CALN1: variants seen among roughly 807,000 people sequenced by gnomAD.
The protein encoded by CALN1 is calneuron 1.
CALN1 carries 17 observed loss-of-function variants against 30.6 expected under a neutral mutation model. The ratio of observed to expected loss-of-function variants is 0.56; its 90% CI spans 0.38 to 0.83. The LOEUF (loss-of-function observed/expected upper bound fraction) is 0.83, where lower values mean the gene tolerates loss of function less well. CALN1 is among the 40% of genes least tolerant of loss of function. The pLI is 0.00. For synonymous variants in CALN1, 156 were observed against 131.4 expected, an observed-to-expected ratio of 1.19 and a Z score of -1.28; for missense variants, 291 against 354.9, an observed-to-expected ratio of 0.82 and a Z score of 1.45.
At chr7:72,448,396 G>A (rs772783945), upstream of CALN1, among the ~76,000 whole-genome samples, 1 of 152,152 alleles carries the variant, frequency 6.6e-6, no homozygotes, top group African/African-American at 2.4e-5. Context: ...GACAGTTCCT[G>A]TGTCAGGGAT....
the CALN1 span, among the ~76,000 whole-genome samples, chr7:72,464,050 GA>G: frequency 6.7e-6 from 1 of 148,350 alleles, no homozygotes; most frequent in Non-Finnish European, 1.5e-5. Context: ...AAGAAAGAAA[GA>G]AGAAAGAGAA....
At chr7:72,095,000 CGTGT>C (rs966705313) in intron 4 of CALN1, among the ~76,000 whole-genome samples, 1 of 151,978 alleles carries the variant, frequency 6.6e-6, no homozygotes, top group East Asian at 1.9e-4. Flanking sequence ...GACTCAGGGG[CGTGT>C]GTGTGTGTTT....
chr7:71,821,846 G>A (rs1788612516), intron 5 of CALN1, among the ~76,000 whole-genome samples: 1 of 148,498 alleles, frequency 6.7e-6, no homozygotes, highest in African/African-American at 2.5e-5. Flanking sequence ...GGAGTACAGT[G>A]GTGTGATCAT....
At chr7:72,415,986 G>A (rs1370157975), upstream of CALN1, among the ~76,000 whole-genome samples, 1 of 152,168 alleles carries the variant, frequency 6.6e-6, no homozygotes, top group Non-Finnish European at 1.5e-5. Flanking sequence ...TTCTTTTAAG[G>A]TTGTGGGTCT....
At chr7:72,232,860 G>A (rs1353891744) in intron 3 of CALN1, among the ~76,000 whole-genome samples, 2 of 152,198 alleles carry the variant, frequency 1.3e-5, no homozygotes, top group African/African-American at 4.8e-5. Flanking sequence ...TTAAAAGACT[G>A]GAAGGAAACA....
chr7:72,297,002 C>A (rs1425758288), intron 2 of CALN1, among the ~76,000 whole-genome samples: 2 of 151,912 alleles, frequency 1.3e-5, no homozygotes, highest in African/African-American at 2.4e-5. Flanking sequence ...TTTTCTAGTT[C>A]TTTTAATTGT....
intron 5 of CALN1, among the ~76,000 whole-genome samples, chr7:72,022,816 T>C (rs1314505653): frequency 6.6e-6 from 1 of 151,176 alleles, no homozygotes; most frequent in Admixed American, 6.6e-5. Flanking sequence ...CTATGCAAGA[T>C]GGGTACCTGA....
intron 4 of CALN1, among the ~76,000 whole-genome samples, chr7:72,075,512 CCTGTGCCTTACTCTACAG>C (rs1448906366): frequency 2.0e-5 from 3 of 152,208 alleles, no homozygotes; most frequent in African/African-American, 7.2e-5. Context: ...ACCGGTTGAA[CCTGTGCCTTACTCTACAG>C]CCTACCCTGA....
rs57352664 is a variant in CALN1, at chr7:72,292,820, C to CA, written c.120-14011dup. Among the ~76,000 whole-genome samples the CA allele has an allele frequency of 2.3e-3, 258 of 112,782 alleles. 6 individuals are homozygous for CA. Among genetic ancestry groups the CA allele is most frequent in the South Asian group, 0.013 (45 of 3,452 alleles). The allele number at this position is 112,782 out of a possible 152,430, so 74.0% of individuals were successfully genotyped here. A position where few individuals can be genotyped will look rare whatever the true frequency, so the allele number is the denominator to read the frequency against. The stretch of plus-strand genomic sequence containing the variant: ...TGGGCAACAGAACAATACTCTGTCT[C>CA]AAAAAAAAAAAAAAGAATTTCAACA... On this transcript the variant is annotated intron_variant, in intron 2 of 6. Transcript: ENST00000395275.
At chr7:72,208,762 G>C (rs187841097) in intron 3 of CALN1, among the ~76,000 whole-genome samples, 1 of 152,268 alleles carries the variant, frequency 6.6e-6, no homozygotes, top group East Asian at 1.9e-4. Flanking sequence ...ATGTAATGTT[G>C]AGCTAAGAGG....
chr7:71,889,613 C>T (rs979364049), intron 5 of CALN1, among the ~76,000 whole-genome samples: 4 of 152,170 alleles, frequency 2.6e-5, no homozygotes, highest in South Asian at 2.1e-4. Context: ...AGGGGGGACA[C>T]GGATATTCCA....
At chr7:72,234,992 G>A (rs1794379706) in intron 3 of CALN1, among the ~76,000 whole-genome samples, 1 of 152,108 alleles carries the variant, frequency 6.6e-6, no homozygotes, top group South Asian at 2.1e-4. Flanking sequence ...AAACAGACCT[G>A]GTGTGGTGGC....
chr7:72,075,075 G>T (rs1804645190), intron 4 of CALN1, among the ~76,000 whole-genome samples: 1 of 152,202 alleles, frequency 6.6e-6, no homozygotes, highest in African/African-American at 2.4e-5. Context: ...GAAAAGCCAA[G>T]ATTTCAGCTT....
At chr7:72,284,687 C>A (rs1049805590) in intron 2 of CALN1, among the ~76,000 whole-genome samples, 5 of 152,166 alleles carry the variant, frequency 3.3e-5, no homozygotes, top group African/African-American at 1.2e-4. Flanking sequence ...GGTCTTCAAA[C>A]CAGACTGGAA....
chr7:72,152,507 T>A lies in CALN1; in HGVS notation c.245-46213A>T, dbSNP rs528806597. Among the ~76,000 whole-genome samples the A allele has an allele frequency of 3.3e-5, 5 of 152,336 alleles. No individual in the cohort carries two copies. In the East Asian group the frequency reaches 9.7e-4, roughly 29 times the overall value. ...CAGTCCATTAGCATCTGATGACTAG[T>A]GACCAGTTTGATACAACCTATCTAC... On this transcript the variant is annotated intron_variant, in intron 3 of 6. Coordinates refer to ENST00000395275, the MANE Select transcript of CALN1 (RefSeq NM_031468.4).
intron 3 of CALN1, among the ~76,000 whole-genome samples, chr7:72,222,408 G>A (rs1016107076): frequency 1.3e-5 from 2 of 152,110 alleles, no homozygotes; most frequent in African/African-American, 4.8e-5. Context: ...GCAAAAGCAG[G>A]AGCAAGAGAG....
At chr7:71,840,981 G>T (rs1303252854) in intron 5 of CALN1, among the ~76,000 whole-genome samples, 1 of 152,032 alleles carries the variant, frequency 6.6e-6, no homozygotes, top group South Asian at 2.1e-4. Flanking sequence ...CTTTTTAAAG[G>T]TAAAGAGTCA....
In CALN1 at chr7:72,280,357, T is replaced by C. The variant is rs530189087; in HGVS notation, c.120-1547A>G. Among the ~76,000 whole-genome samples the C allele has an allele frequency of 7.7e-4, 117 of 152,328 alleles. 1 individual carries two copies. The highest frequency in any genetic ancestry group is 1.4e-3 in the Non-Finnish European group (93 of 68,032). On this transcript the variant is annotated intron_variant, in intron 2 of 6. Coordinates refer to ENST00000395275, the MANE Select transcript of CALN1 (RefSeq NM_031468.4). ...TTAACTCTTTCCATAGCTAACAGCA[T>C]GTACATCCACAGAACAATTGCAAAT... is the stretch of plus-strand genomic sequence containing the variant.
At chr7:72,239,306 G>A (rs1478777383) in intron 3 of CALN1, among the ~76,000 whole-genome samples, 7 of 152,232 alleles carry the variant, frequency 4.6e-5, no homozygotes, top group Middle Eastern at 3.4e-3. Context: ...GCTGAAGCAG[G>A]AGGATCACTT....
Sources: allele counts gnomAD v4.1 joint callset (sites outside exome capture counted in the v4.1 genomes callset), GRCh38; gene constraint gnomAD v4.1.1; transcripts MANE v1.5; gene names NCBI Gene and HGNC (gene_info 2026-07-23, HGNC 2026-07-21).